Variants in ARPC1A observed in about 807,000 individuals in gnomAD.
The protein encoded by ARPC1A is actin related protein 2/3 complex subunit 1A, also known as actin-related protein 2/3 complex subunit 1A.
In ARPC1A, 8 loss-of-function variants were observed where a neutral mutation model predicts 46.9. That is an observed-to-expected ratio of 0.17 (90% CI 0.10 to 0.31). The LOEUF (loss-of-function observed/expected upper bound fraction) is 0.31. Among genes scored for constraint, ARPC1A ranks in the 10% least tolerant of loss-of-function variants. The pLI is 1.00. For missense variants in ARPC1A, 286 were observed against 483.6 expected, an observed-to-expected ratio of 0.59 and a Z score of 3.83; for synonymous variants, 152 against 169.0, an observed-to-expected ratio of 0.90 and a Z score of 0.78.
chr7:99,344,572 T>C, intron 4 of ARPC1A, 57 bp downstream of exon 4: 1 of 1,539,088 alleles, frequency 6.5e-7, no homozygotes, highest in Non-Finnish European at 9.0e-7. Flanking sequence ...TTTGCACTGC[T>C]GTGTGAGGGC....
Position 99,345,582 on chromosome 7 carries a change from C to T in ARPC1A, c.392+1067C>T, listed in dbSNP as rs541148169. ...AGGAAGCAGGAGAATTACTTGAACT[C>T]GGAGGGCAGAGGTTGCAGTGAGCCA... On this transcript the variant is annotated intron_variant, in intron 4 of 9. Coordinates refer to ENST00000262942, the MANE Select transcript of ARPC1A (RefSeq NM_006409.4). 7.7e-4 allele frequency among the ~76,000 whole-genome samples: 117 copies of T among 151,908 alleles called. 1 individual carries two copies. Among genetic ancestry groups the T allele is most frequent in the Admixed American group, 3.4e-3 (52 of 15,246 alleles).
intron 9 of ARPC1A, among the ~76,000 whole-genome samples, chr7:99,365,267 C>T (rs1024733479): frequency 1.4e-4 from 22 of 151,794 alleles, no homozygotes. Context: ...GTTTGGGCAA[C>T]ATAGCGTGAC....
chr7:99,348,787 C>G, intron 4 of ARPC1A, 65 bp from the exon 5 acceptor site: 1 of 1,301,096 alleles, frequency 7.7e-7, no homozygotes, highest in Non-Finnish European at 1.1e-6. Flanking sequence ...ACCTGACATA[C>G]ATTTGTAGGT....
At chr7:99,358,261 G>C (rs2286161) in intron 6 of ARPC1A, 79 bp from the exon 7 acceptor site, 3 of 1,420,004 alleles carry the variant, frequency 2.1e-6, no homozygotes, top group Non-Finnish European at 3.0e-6. Context: ...TGTGAGAATG[G>C]GTCCTTTGTG....
intron 3 of ARPC1A, among the ~76,000 whole-genome samples, chr7:99,343,341 C>T (rs1223515301): frequency 1.3e-5 from 2 of 151,668 alleles, no homozygotes; most frequent in Non-Finnish European, 2.9e-5. Flanking sequence ...TGGCATCTGC[C>T]TGTAATCCCA....
intron 9 of ARPC1A, among the ~76,000 whole-genome samples, chr7:99,364,268 C>CTTTTTT (rs1226720404): frequency 3.4e-5 from 4 of 117,372 alleles, no homozygotes; most frequent in African/African-American, 1.1e-4. Flanking sequence ...AGATCTCTCT[C>CTTTTTT]TTTTTTTTTT....
chr7:99,359,419 G>A (rs1318154822), intron 7 of ARPC1A, 126 bp from the exon 8 acceptor site: 1 of 966,264 alleles, frequency 1.0e-6, no homozygotes, highest in African/African-American at 1.8e-5. Flanking sequence ...CAGGGCAACA[G>A]AGCAAGACTC....
intron 2 of ARPC1A, among the ~76,000 whole-genome samples, chr7:99,337,551 T>G (rs1317228545): frequency 1.3e-5 from 2 of 152,216 alleles, no homozygotes; most frequent in Non-Finnish European, 2.9e-5. Context: ...TTTCAGCTTT[T>G]CAGATTAGGG....
intron 3 of ARPC1A, chr7:99,339,762 A>G (rs1040366809): frequency 4.3e-5 from 11 of 258,640 alleles, no homozygotes; most frequent in Admixed American, 1.3e-4. Context: ...GGTTGTTTCA[A>G]TTTTTCCATA....
chr7:99,349,390 C>T (rs890238313), intron 5 of ARPC1A, among the ~76,000 whole-genome samples: 1 of 151,642 alleles, frequency 6.6e-6, no homozygotes, highest in Non-Finnish European at 1.5e-5. Flanking sequence ...TTGCAAGGTA[C>T]TGCGCTAGGC....
At chr7:99,359,912 C>T (rs1297117614) in intron 8 of ARPC1A, 174 bp downstream of exon 8, 9 of 774,276 alleles carry the variant, frequency 1.2e-5, no homozygotes, top group East Asian at 2.7e-5. Flanking sequence ...ATTTCCAGCT[C>T]GTGGTAGGGA....
At chr7:99,336,481 ATTTTTTTTTTTTTTTT>A (rs757908410) in intron 2 of ARPC1A, among the ~76,000 whole-genome samples, 1 of 103,188 alleles carries the variant, frequency 9.7e-6, no homozygotes, top group East Asian at 3.5e-4. Context: ...ATAGGTCTTA[ATTTTTTTTTTTTTTTT>A]TTTTTTTTTT....
At chr7:99,333,822 G>C (rs1156452342) in intron 2 of ARPC1A, among the ~76,000 whole-genome samples, 3 of 152,254 alleles carry the variant, frequency 2.0e-5, no homozygotes, top group African/African-American at 7.2e-5. Context: ...GCACAGTTCA[G>C]CAAGCAAAGT....
intron 1 of ARPC1A, among the ~76,000 whole-genome samples, chr7:99,333,042 G>A (rs1231281771): frequency 6.6e-6 from 1 of 152,010 alleles, no homozygotes; most frequent in Non-Finnish European, 1.5e-5. Context: ...AACTAGAGGC[G>A]TGTGCCACCA....
chr7:99,332,403 G>T (rs1369082397), intron 1 of ARPC1A, among the ~76,000 whole-genome samples: 1 of 152,104 alleles, frequency 6.6e-6, no homozygotes, highest in African/African-American at 2.4e-5. Flanking sequence ...TGATTACGTG[G>T]TGATTGCCAG....
At chr7:99,356,298 T>C (rs1028827404) in intron 6 of ARPC1A, among the ~76,000 whole-genome samples, 1 of 152,192 alleles carries the variant, frequency 6.6e-6, no homozygotes, top group Non-Finnish European at 1.5e-5. Flanking sequence ...TAGTTTTACA[T>C]ATTTTTTTAA....
chr7:99,335,028 G>A (rs1025670461), intron 2 of ARPC1A, among the ~76,000 whole-genome samples: 1 of 152,134 alleles, frequency 6.6e-6, no homozygotes, highest in African/African-American at 2.4e-5. Flanking sequence ...TGTATTTTTA[G>A]TAGAGACAGG....
At chr7:99,327,691 G>T (rs998303446) in intron 1 of ARPC1A, among the ~76,000 whole-genome samples, 2 of 152,018 alleles carry the variant, frequency 1.3e-5, no homozygotes, top group Admixed American at 1.3e-4. Flanking sequence ...ACAGTTAAAG[G>T]AAGGGACCAT....
chr7:99,348,424 C>T (rs1211686570), intron 4 of ARPC1A, among the ~76,000 whole-genome samples: 3 of 152,080 alleles, frequency 2.0e-5, no homozygotes, highest in Non-Finnish European at 1.5e-5. Flanking sequence ...TGCACCTTGT[C>T]AGCTGGGCGT....
Sources: gnomAD v4.1 joint callset for allele counts (sites outside exome capture counted in the v4.1 genomes callset) on GRCh38, gnomAD v4.1.1 for gene constraint, MANE v1.5 for transcripts, NCBI Gene and HGNC (gene_info 2026-07-23, HGNC 2026-07-21) for gene names.